DGKH: variants seen among roughly 807,000 people sequenced by gnomAD.
The protein encoded by DGKH is diacylglycerol kinase eta.
Under a neutral mutation model 159.3 loss-of-function variants are expected in DGKH, and 90 were observed. The observed-to-expected ratio is 0.57, with a 90% CI of 0.48 to 0.67. The LOEUF (loss-of-function observed/expected upper bound fraction) is 0.67. DGKH is among the 30% of genes least tolerant of loss of function. The pLI is 0.00. For synonymous variants in DGKH, 536 were observed against 553.8 expected (o/e 0.97, Z 0.45); for missense variants, 1,181 against 1,506.1 (o/e 0.78, Z 3.57).
chr13:42,045,064 G>T (rs1197715782), upstream of DGKH, among the ~76,000 whole-genome samples: 1 of 152,164 alleles, frequency 6.6e-6, no homozygotes, highest in East Asian at 1.9e-4. Context: ...GGCCGAAGTG[G>T]GAGGATCTCT....
chr13:42,198,697 C>A (rs1957271131), intron 18 of DGKH, 102 bp downstream of exon 18: 4 of 1,028,432 alleles, frequency 3.9e-6, no homozygotes, highest in Non-Finnish European at 2.9e-6. Flanking sequence ...TAAATATGGT[C>A]CCATGTAAAA....
At chr13:42,187,883 A>T (rs1373414993) in intron 14 of DGKH, among the ~76,000 whole-genome samples, 2 of 152,090 alleles carry the variant, frequency 1.3e-5, no homozygotes, top group East Asian at 3.9e-4. Context: ...TTCTTTACAG[A>T]TTTCTTTCCC....
At chr13:42,086,119 T>A (rs1283279078) in intron 1 of DGKH, among the ~76,000 whole-genome samples, 2 of 152,152 alleles carry the variant, frequency 1.3e-5, no homozygotes, top group Admixed American at 6.5e-5. Context: ...GGTTTCATCA[T>A]GTTGTCCAGG....
chr13:42,243,167 A>C (rs182136544), downstream of DGKH, among the ~76,000 whole-genome samples: 2 of 152,288 alleles, frequency 1.3e-5, no homozygotes, highest in East Asian at 3.9e-4. Context: ...TTTTATAGGC[A>C]TACCTACTTC....
intron 3 of DGKH, among the ~76,000 whole-genome samples, chr13:42,143,384 G>C (rs1344151720): frequency 6.6e-6 from 1 of 152,110 alleles, no homozygotes; most frequent in Non-Finnish European, 1.5e-5. Flanking sequence ...TCTCTGCCAG[G>C]CTTTAGTATC....
At chr13:42,191,998 C>A (rs2138119572) in intron 16 of DGKH, among the ~76,000 whole-genome samples, 1 of 152,260 alleles carries the variant, frequency 6.6e-6, no homozygotes, top group South Asian at 2.1e-4. Flanking sequence ...CTACCTACTT[C>A]ATTGGGTTGC....
At chr13:42,247,731 C>CTGTG (rs1239888328), downstream of DGKH, among the ~76,000 whole-genome samples, 1 of 152,008 alleles carries the variant, frequency 6.6e-6, no homozygotes, top group African/African-American at 2.4e-5. Flanking sequence ...GATCCTGAAA[C>CTGTG]TGTGTAGGCC....
Position 42,209,464 on chromosome 13 carries a change from G to C in DGKH, c.2849G>C (p.Arg950Thr). The change falls in exon 23 of 30, where the codon AGA becomes ACA. Residue 950 changes from arginine to threonine, a missense_variant and splice_region_variant. Physicochemically the swap from Arg to Thr is moderately conservative, Grantham distance 71 (BLOSUM62 -1). Around this residue, in one of 5 missense-constraint regions of DGKH, gnomAD observed 335 missense variants for 495.2 expected, o/e 0.68. Transcript: ENST00000337343. ...AGAGCACAAATGCTAACAAGGGACA[G>C]AGTATGTAACAAAAACATTCTTCTA... ...KNRAQMLTRD[R>T]AFESTLKSWE... 6.3e-7 allele frequency: 1 copy of C among 1,599,846 alleles called. No homozygotes were observed. Among genetic ancestry groups the C allele is most frequent in the Non-Finnish European group, 8.5e-7 (1 of 1,175,586 alleles).
chr13:42,085,698 G>A (rs1566093067), intron 1 of DGKH, among the ~76,000 whole-genome samples: 2 of 152,172 alleles, frequency 1.3e-5, no homozygotes, highest in African/African-American at 4.8e-5. Context: ...ACATAATCTT[G>A]TGCTTTTTAC....
chr13:42,068,336 G>T (rs1294630690), intron 1 of DGKH, among the ~76,000 whole-genome samples: 1 of 152,138 alleles, frequency 6.6e-6, no homozygotes, highest in Non-Finnish European at 1.5e-5. Context: ...TATAAACAGT[G>T]AATGAGTCTT....
At chr13:42,073,355 G>A (rs1234747362) in intron 1 of DGKH, among the ~76,000 whole-genome samples, 2 of 152,200 alleles carry the variant, frequency 1.3e-5, no homozygotes, top group East Asian at 1.9e-4. Flanking sequence ...ACAGCTATAT[G>A]TACAGATATA....
intron 6 of DGKH, 123 bp downstream of exon 6, chr13:42,159,495 A>G (rs1956125743): frequency 2.7e-6 from 2 of 741,136 alleles, no homozygotes; most frequent in Non-Finnish European, 4.6e-6. Context: ...GGTTTGGTTG[A>G]TTCTGAGTTT....
intron 3 of DGKH, chr13:42,140,905 A>T (rs1955532470): frequency 1.3e-5 from 2 of 151,276 alleles, no homozygotes; most frequent in African/African-American, 4.8e-5. Flanking sequence ...AAAAAATTTT[A>T]TATTTTTATT....
intron 1 of DGKH, among the ~76,000 whole-genome samples, chr13:42,079,472 C>T (rs1220938318): frequency 6.6e-6 from 1 of 152,066 alleles, no homozygotes; most frequent in East Asian, 1.9e-4. Context: ...TCTCGCCCCT[C>T]CAAGCCTCCG....
At chr13:42,119,425 G>T (rs1395674302) in intron 1 of DGKH, among the ~76,000 whole-genome samples, 1 of 152,182 alleles carries the variant, frequency 6.6e-6, no homozygotes, top group African/African-American at 2.4e-5. Context: ...TGGTGTTACT[G>T]GTCATCTGCA....
At chr13:42,246,676 A>G (rs1437165240), downstream of DGKH, among the ~76,000 whole-genome samples, 1 of 152,098 alleles carries the variant, frequency 6.6e-6, no homozygotes, top group Non-Finnish European at 1.5e-5. Context: ...AAAAGGCAGC[A>G]CAAGAATACA....
At chr13:42,183,214 G>C (rs757055524) in intron 13 of DGKH, among the ~76,000 whole-genome samples, 1 of 151,954 alleles carries the variant, frequency 6.6e-6, no homozygotes, top group Non-Finnish European at 1.5e-5. Flanking sequence ...CTTTGAGCAT[G>C]AGAGTTCGAG....
At chr13:42,049,451 G>T (rs1881099179) in intron 1 of DGKH, among the ~76,000 whole-genome samples, 1 of 152,270 alleles carries the variant, frequency 6.6e-6, no homozygotes, top group African/African-American at 2.4e-5. Context: ...AGCCTGCGCT[G>T]CAGTGAGCCC....
At position 42,235,469 on chromosome 13, in the gene DGKH, TAAAG is replaced by T. The variant is rs765060835; in HGVS notation, c.*6284_*6287del. ...GGGTTACTTTTAAAATGCATTAAAATAAAGAAGTTTCATATTCAGTTGATAAGGC... is the reference window on the plus strand; with the variant it reads ...GGGTTACTTTTAAAATGCATTAAAATAAGTTTCATATTCAGTTGATAAGGC... On this transcript the variant is annotated 3_prime_UTR_variant, in exon 30 of 30. Coordinates refer to ENST00000337343, the MANE Select transcript of DGKH (RefSeq NM_178009.5). 1 of 152,128 alleles carries T rather than the reference TAAAG, an allele frequency of 6.6e-6. No individual in the cohort carries two copies. Among genetic ancestry groups the T allele is most frequent in the Non-Finnish European group, 1.5e-5 (1 of 67,992 alleles). 9.4% of individuals were successfully genotyped at this position (152,128 alleles called of 1,614,324 possible). A position where few individuals can be genotyped will look rare whatever the true frequency, so the allele number is the denominator to read the frequency against.
Sources: allele counts gnomAD v4.1 joint callset (sites outside exome capture counted in the v4.1 genomes callset), GRCh38; gene constraint gnomAD v4.1.1; regional missense constraint gnomAD v4.1.1; transcripts MANE v1.5; gene names NCBI Gene and HGNC (gene_info 2026-07-23, HGNC 2026-07-21).